SUPT3H: variants seen among roughly 807,000 people sequenced by gnomAD.
The protein encoded by SUPT3H is SPT3 homolog, SAGA and STAGA complex component.
SUPT3H carries 44 observed loss-of-function variants against 44.3 expected under a neutral mutation model. The ratio of observed to expected loss-of-function variants is 0.99; its 90% CI spans 0.78 to 1.28. SUPT3H has a LOEUF of 1.28. Ranked by LOEUF, SUPT3H falls within the 50% of genes most tolerant of loss-of-function variation. SUPT3H has a pLI of 0.00. For synonymous variants in SUPT3H, 124 were observed against 125.6 expected (o/e 0.99, Z 0.09); for missense variants, 380 against 387.1 (o/e 0.98, Z 0.15).
At chr6:45,004,937 T>C (rs1020754604) in intron 5 of SUPT3H, among the ~76,000 whole-genome samples, 1 of 152,116 alleles carries the variant, frequency 6.6e-6, no homozygotes, top group African/African-American at 2.4e-5. Flanking sequence ...CAATCCCCTA[T>C]TGATGGGCAT....
At chr6:45,204,913 C>T (rs1234811525) in intron 2 of SUPT3H, among the ~76,000 whole-genome samples, 1 of 152,190 alleles carries the variant, frequency 6.6e-6, no homozygotes, top group African/African-American at 2.4e-5. Flanking sequence ...TCAGACCCTT[C>T]TTATTCCTGA....
chr6:44,850,221 C>A (rs897795374), intron 10 of SUPT3H, among the ~76,000 whole-genome samples: 8 of 152,098 alleles, frequency 5.3e-5, no homozygotes, highest in Non-Finnish European at 4.4e-5. Context: ...TTTAAGGAGG[C>A]CTAAGGGACA....
At chr6:45,272,097 AGG>A (rs1213946406) in intron 2 of SUPT3H, among the ~76,000 whole-genome samples, 1 of 152,222 alleles carries the variant, frequency 6.6e-6, no homozygotes, top group Non-Finnish European at 1.5e-5. Context: ...ACAGGCTCAT[AGG>A]CAGAAAGGAC....
chr6:44,987,979 G>T (rs55893720), intron 6 of SUPT3H, among the ~76,000 whole-genome samples: 52,337 of 151,848 alleles, frequency 0.34, 9,730 homozygotes, highest in Admixed American at 0.42. Flanking sequence ...AGCGCCAAGG[G>T]TATTTGAGAT....
At chr6:45,172,540 T>C (rs184505459) in intron 2 of SUPT3H, among the ~76,000 whole-genome samples, 11 of 151,624 alleles carry the variant, frequency 7.3e-5, no homozygotes, top group East Asian at 5.8e-4. Flanking sequence ...AAACCCAATA[T>C]GCCTGAAAAC....
At chr6:45,253,314 C>T (rs1157111986) in intron 2 of SUPT3H, among the ~76,000 whole-genome samples, 1 of 152,146 alleles carries the variant, frequency 6.6e-6, no homozygotes, top group Admixed American at 6.5e-5. Flanking sequence ...GAAGTAAGGG[C>T]AGAGAGCTAG....
At chr6:45,294,696 G>C (rs1182565715) in intron 2 of SUPT3H, among the ~76,000 whole-genome samples, 2 of 94,120 alleles carry the variant, frequency 2.1e-5, no homozygotes, top group Non-Finnish European at 3.9e-5. Flanking sequence ...ACCAGGTTGA[G>C]AATCAAATCA....
intron 2 of SUPT3H, among the ~76,000 whole-genome samples, chr6:45,144,683 G>A (rs1347294170): frequency 6.6e-6 from 1 of 151,822 alleles, no homozygotes; most frequent in Non-Finnish European, 1.5e-5. Flanking sequence ...AAGAAATAAG[G>A]GGCATCTGAA....
chr6:44,857,660 A>G (rs1014614468), intron 10 of SUPT3H, among the ~76,000 whole-genome samples: 1 of 152,184 alleles, frequency 6.6e-6, no homozygotes, highest in East Asian at 1.9e-4. Context: ...TTTACTTTTT[A>G]GTCGATTTTT....
Position 45,141,338 on chromosome 6 carries a change from C to CAAAA in SUPT3H, c.102-35336_102-35333dup, listed in dbSNP as rs1162738855. The stretch of plus-strand genomic sequence containing the variant: ...TGGGAGACAGAGCAAGACTCCATCT[C>CAAAA]AAAAAAAAAAAAAAAAAAAAAAAAA... On this transcript the variant is annotated intron_variant, in intron 2 of 10. Transcript: ENST00000371459. 3.1e-3 allele frequency among the ~76,000 whole-genome samples: 139 copies of CAAAA among 45,266 alleles called. 18 individuals are homozygous for CAAAA. Among genetic ancestry groups the CAAAA allele is most frequent in the African/African-American group, 0.011 (108 of 9,398 alleles). 29.7% of individuals were successfully genotyped at this position (45,266 alleles called of 152,430 possible). A position where few individuals can be genotyped will look rare whatever the true frequency, so the allele number is the denominator to read the frequency against.
At chr6:45,002,676 A>G (rs1275821952) in intron 6 of SUPT3H, among the ~76,000 whole-genome samples, 1 of 152,114 alleles carries the variant, frequency 6.6e-6, no homozygotes, top group Non-Finnish European at 1.5e-5. Flanking sequence ...TACCAAACCA[A>G]GATAACCACA....
At chr6:45,269,818 CCATT>C (rs752632016) in intron 2 of SUPT3H, among the ~76,000 whole-genome samples, 105 of 152,234 alleles carry the variant, frequency 6.9e-4, no homozygotes, top group Non-Finnish European at 1.2e-3. Context: ...TGAAATTATA[CCATT>C]CAACAGTTTT....
chr6:45,210,736 T>A (rs1045795645), intron 2 of SUPT3H, among the ~76,000 whole-genome samples: 4 of 152,242 alleles, frequency 2.6e-5, no homozygotes, highest in African/African-American at 9.6e-5. Context: ...TACTTTTGCA[T>A]TCACAGACAC....
intron 2 of SUPT3H, among the ~76,000 whole-genome samples, chr6:45,338,344 TAA>T (rs34686255): frequency 1.3e-4 from 19 of 147,752 alleles, no homozygotes; most frequent in Middle Eastern, 3.5e-3. Context: ...GTAGCTCTCA[TAA>T]AAAAAAAAAA....
chr6:45,207,726 T>C (rs766918552), intron 2 of SUPT3H, among the ~76,000 whole-genome samples: 17 of 152,192 alleles, frequency 1.1e-4, no homozygotes, highest in Non-Finnish European at 2.1e-4. Context: ...CTGTAATTGT[T>C]TGGGGGCACC....
chr6:45,239,849 A>C (rs562558945), intron 2 of SUPT3H, among the ~76,000 whole-genome samples: 9 of 152,182 alleles, frequency 5.9e-5, no homozygotes, highest in South Asian at 2.1e-4. Context: ...TAAAACAACA[A>C]TTGCAAAAGC....
chr6:44,953,183 T>A (rs1367973397), intron 9 of SUPT3H, 127 bp downstream of exon 9: 1 of 680,926 alleles, frequency 1.5e-6, no homozygotes, highest in African/African-American at 1.8e-5. Context: ...GAATGTCTAA[T>A]GTATTAAGAT....
chr6:45,295,096 CTA>C (rs1201966624), intron 2 of SUPT3H, among the ~76,000 whole-genome samples: 2 of 152,094 alleles, frequency 1.3e-5, no homozygotes, highest in Non-Finnish European at 2.9e-5. Context: ...TGATTTCAAA[CTA>C]TACTATTAGG....
At position 44,828,396 on chromosome 6, in the gene SUPT3H, T is replaced by G. The variant is rs572338786; in HGVS notation, c.*1420A>C. On this transcript the variant is annotated 3_prime_UTR_variant, in exon 11 of 11. Transcript: ENST00000371459. ...CAAATTTTTTCTAAAAAGATTAACA[T>G]AGAGCAGGTAAATGACAGTTAACAA... 1.6e-4 allele frequency among the ~76,000 whole-genome samples: 25 copies of G among 152,258 alleles called. No individual in the cohort carries two copies. The highest frequency in any genetic ancestry group is 3.1e-4 in the Non-Finnish European group (21 of 67,992).
Sources: allele counts gnomAD v4.1 joint callset (sites outside exome capture counted in the v4.1 genomes callset), GRCh38; gene constraint gnomAD v4.1.1; transcripts MANE v1.5; gene names NCBI Gene and HGNC (gene_info 2026-07-23, HGNC 2026-07-21).